CLTCL1: variants seen among roughly 807,000 people sequenced by gnomAD.
CLTCL1 encodes the protein clathrin heavy chain like 1.
Under a neutral mutation model 190.0 loss-of-function variants are expected in CLTCL1, and 159 were observed. The ratio of observed to expected loss-of-function variants is 0.84; its 90% CI spans 0.74 to 0.95. The LOEUF is 0.95. Among genes scored for constraint, CLTCL1 ranks in the 40% least tolerant of loss-of-function variants. The pLI, the probability that CLTCL1 is intolerant of heterozygous loss-of-function variation, is 0.00. For synonymous variants in CLTCL1, 752 were observed against 769.6 expected (o/e 0.98, Z 0.38); for missense variants, 1,878 against 2,033.4 (o/e 0.92, Z 1.47).
At chr22:19,258,911 T>C (rs782339303) in intron 2 of CLTCL1, 3 of 415,408 alleles carry the variant, frequency 7.2e-6, no homozygotes, top group East Asian at 4.6e-5. Context: ...AGAGAAAACA[T>C]AGGGGAAAAG....
Position 19,180,248 on chromosome 22 carries a change from C to G in CLTCL1, c.4904-10G>C. On this transcript the variant is annotated splice_polypyrimidine_tract_variant and intron_variant, in intron 31 of 32. Transcript: ENST00000427926. ...TCATGCCCATCAAAATCTAAAAAAACCAGAATGACATTAATGGTGGAAGGA... is the reference window on the plus strand; with the variant it reads ...TCATGCCCATCAAAATCTAAAAAAAGCAGAATGACATTAATGGTGGAAGGA... 1 of 1,613,716 alleles carries G rather than the reference C, an allele frequency of 6.2e-7. No homozygotes were observed. Among genetic ancestry groups the G allele is most frequent in the Non-Finnish European group, 8.5e-7 (1 of 1,179,818 alleles).
At chr22:19,288,395 G>T (rs951254556) in intron 1 of CLTCL1, among the ~76,000 whole-genome samples, 1 of 152,116 alleles carries the variant, frequency 6.6e-6, no homozygotes, top group Admixed American at 6.5e-5. Context: ...GCATCCTCTG[G>T]GGGTCTTAGA....
At chr22:19,242,743 T>A (rs782443119) in intron 4 of CLTCL1, 32 bp downstream of exon 4, 10 of 1,613,190 alleles carry the variant, frequency 6.2e-6, no homozygotes, top group Non-Finnish European at 7.6e-6. Flanking sequence ...ATGACACTTT[T>A]CTCAGGGAGA....
intron 26 of CLTCL1, among the ~76,000 whole-genome samples, chr22:19,194,766 A>G (rs1279896519): frequency 1.2e-4 from 18 of 152,390 alleles, no homozygotes; most frequent in African/African-American, 4.3e-4. Flanking sequence ...TCCCCTGCTC[A>G]GGCTGCTGCT....
chr22:19,194,111 GT>G (rs1268845786), intron 26 of CLTCL1, among the ~76,000 whole-genome samples: 6 of 152,068 alleles, frequency 3.9e-5, no homozygotes, highest in African/African-American at 1.4e-4. Flanking sequence ...TGATTGGTAC[GT>G]TTTTTACAGA....
At position 19,233,613 on chromosome 22, in the gene CLTCL1, G is replaced by A. The variant is rs782244752; in HGVS notation, c.1177C>T (p.Arg393Cys). 9.3e-6 allele frequency: 15 copies of A among 1,612,874 alleles called. No individual in the cohort carries two copies. The highest frequency in any genetic ancestry group is 8.9e-5 in the East Asian group (4 of 44,896). Residue 393 changes from arginine (R) to cysteine (C), a missense_variant, in exon 8 of 33, where the codon CGT (arginine) becomes TGT (cysteine). By Grantham distance (180) the Arg-to-Cys change is radical. Transcript: ENST00000427926. Reference protein sequence around the residue: ...VAASAPKGILRTRETVQKFQS... With the variant: ...VAASAPKGILCTRETVQKFQS... ...AATTTCTGGACCGTCTCTCTGGTAC[G>A]CAGGATTCCCTAATAATAAATGGAA...
At chr22:19,185,758 C>T (rs782600508) in intron 29 of CLTCL1, among the ~76,000 whole-genome samples, 4 of 152,206 alleles carry the variant, frequency 2.6e-5, no homozygotes, top group Non-Finnish European at 4.4e-5. Context: ...TCATCACTGC[C>T]TGAGTGTTGA....
chr22:19,226,117 A>C (rs2085734683), intron 12 of CLTCL1, 102 bp downstream of exon 12: 1 of 1,329,316 alleles, frequency 7.5e-7, no homozygotes, highest in Admixed American at 2.3e-5. Flanking sequence ...TGACAGGCTC[A>C]GGCCACAGTT....
At chr22:19,270,584 G>A (rs956034175) in intron 2 of CLTCL1, among the ~76,000 whole-genome samples, 1 of 151,818 alleles carries the variant, frequency 6.6e-6, no homozygotes, top group Admixed American at 6.6e-5. Flanking sequence ...AAAATTAGCT[G>A]GGTGTGATGG....
Position 19,188,086 on chromosome 22 carries a change from A to G in CLTCL1, c.4329T>C (p.Gly1443=). The G allele has an allele frequency of 6.2e-7, 1 of 1,613,964 alleles. No individual in the cohort carries two copies. The highest frequency in any genetic ancestry group is 8.5e-7 in the Non-Finnish European group (1 of 1,179,862). Residue 1443 remains glycine (G), a synonymous_variant, in exon 28 of 33, where the codon GGT becomes GGC. Coordinates refer to ENST00000427926, the MANE Select transcript of CLTCL1 (RefSeq NM_007098.4). ...GGTAAGGCTTCACCAGGGGCAGCTGACCTGCCTGACAAGTTGAGGGAACCG... is the reference window on the plus strand; with the variant it reads ...GGTAAGGCTTCACCAGGGGCAGCTGGCCTGCCTGACAAGTTGAGGGAACCG... ...TWTVSFFSKA[G]QLPLVKPYLR... is the part of the protein sequence containing the mutation.
chr22:19,216,366 G>A, intron 18 of CLTCL1, 110 bp from the exon 19 acceptor site: 1 of 898,236 alleles, frequency 1.1e-6, no homozygotes, highest in South Asian at 1.7e-5. Context: ...AATAGACACA[G>A]AGAAAATGGG....
chr22:19,236,073 T>C (rs1395705878), intron 5 of CLTCL1, among the ~76,000 whole-genome samples: 1 of 152,132 alleles, frequency 6.6e-6, no homozygotes, highest in Non-Finnish European at 1.5e-5. Flanking sequence ...GATCCTCCCA[T>C]CTCAGCCTCC....
At chr22:19,185,928 A>G (rs1307069857) in intron 29 of CLTCL1, among the ~76,000 whole-genome samples, 1 of 152,222 alleles carries the variant, frequency 6.6e-6, no homozygotes, top group East Asian at 1.9e-4. Context: ...TCAGAGCCTC[A>G]GCAGCTTTTC....
chr22:19,208,164 T>TG lies in CLTCL1; in HGVS notation c.3589dup (p.His1197ProfsTer23). On this transcript the variant is annotated frameshift_variant, in exon 22 of 33. Coordinates refer to ENST00000427926, the MANE Select transcript of CLTCL1 (RefSeq NM_007098.4). LOFTEE classifies it high-confidence loss of function. ...GGGGGCATGGCCTACCTGCTGGATG[T>TG]GGGCATTGTTGGGTCCATTAATAAA... 6.2e-7 allele frequency: 1 copy of TG among 1,613,892 alleles called. No homozygotes were observed. The highest frequency in any genetic ancestry group is 1.7e-4 in the Middle Eastern group (1 of 6,060).
At chr22:19,219,796 A>C in intron 18 of CLTCL1, 89 bp downstream of exon 18, 1 of 1,583,220 alleles carries the variant, frequency 6.3e-7, no homozygotes, top group Admixed American at 1.7e-5. Context: ...AAGATGTTTT[A>C]AATTAAAAAT....
At chr22:19,184,847 CCTCT>C in intron 29 of CLTCL1, 1 of 322,686 alleles carries the variant, frequency 3.1e-6, no homozygotes, top group Non-Finnish European at 6.1e-6. Flanking sequence ...CCCACACCCT[CCTCT>C]CTCATCACCT....
intron 1 of CLTCL1, among the ~76,000 whole-genome samples, chr22:19,277,634 G>C (rs562317475): frequency 6.6e-6 from 1 of 152,272 alleles, no homozygotes; most frequent in South Asian, 2.1e-4. Context: ...TTCCAACGTT[G>C]GGTTATAGCA....
At chr22:19,275,976 T>C in intron 1 of CLTCL1, 146 bp from the exon 2 acceptor site, 1 of 695,446 alleles carries the variant, frequency 1.4e-6, no homozygotes, top group South Asian at 1.9e-5. Context: ...CTTGCTTTTC[T>C]ACGCCTGTAA....
At chr22:19,287,364 T>C (rs933345666) in intron 1 of CLTCL1, among the ~76,000 whole-genome samples, 2 of 152,110 alleles carry the variant, frequency 1.3e-5, no homozygotes, top group South Asian at 2.1e-4. Flanking sequence ...TTTCCACAGA[T>C]ACCAGAAGGC....
Sources: gnomAD v4.1 joint callset for allele counts (sites outside exome capture counted in the v4.1 genomes callset) on GRCh38, gnomAD v4.1.1 for gene constraint, MANE v1.5 for transcripts, NCBI Gene and HGNC (gene_info 2026-07-23, HGNC 2026-07-21) for gene names.